KCNQ3: variants seen among roughly 807,000 people sequenced by gnomAD.
KCNQ3 encodes potassium voltage-gated channel subfamily KQT member 3.
In KCNQ3, 30 loss-of-function variants were observed where a neutral mutation model predicts 92.5. The observed-to-expected ratio is 0.32, with a 90% confidence interval of 0.24 to 0.44. KCNQ3 has a LOEUF of 0.44. Among genes scored for constraint, KCNQ3 ranks in the 20% least tolerant of loss-of-function variants. The pLI, the probability that KCNQ3 is intolerant of heterozygous loss-of-function variation, is 1.00. For missense variants in KCNQ3, 913 were observed against 1,140.3 expected (o/e 0.80, Z 2.87); for synonymous variants, 450 against 468.8 (o/e 0.96, Z 0.52).
At chr8:132,226,793 G>C (rs1054056582) in intron 1 of KCNQ3, among the ~76,000 whole-genome samples, 3 of 152,168 alleles carry the variant, frequency 2.0e-5, no homozygotes, top group Admixed American at 6.5e-5. Flanking sequence ...AACATGGCCT[G>C]GCTGGGGAGG....
At chr8:132,154,208 T>TG (rs1554624533) in intron 9 of KCNQ3, among the ~76,000 whole-genome samples, 2 of 142,242 alleles carry the variant, frequency 1.4e-5, no homozygotes, top group Non-Finnish European at 3.0e-5. Flanking sequence ...TTTTTTTTTT[T>TG]TTTTTTTTTT....
chr8:132,310,081 G>A (rs1817546955), intron 1 of KCNQ3, among the ~76,000 whole-genome samples: 1 of 152,198 alleles, frequency 6.6e-6, no homozygotes, highest in African/African-American at 2.4e-5. Flanking sequence ...CATAGGAATA[G>A]ATCTACTGGC....
At chr8:132,354,913 G>A (rs963890825) in intron 1 of KCNQ3, among the ~76,000 whole-genome samples, 3 of 152,108 alleles carry the variant, frequency 2.0e-5, no homozygotes, top group Non-Finnish European at 4.4e-5. Context: ...TGGGTTTGAG[G>A]GACATGGGTT....
At chr8:132,209,612 T>C (rs1330717292) in intron 1 of KCNQ3, among the ~76,000 whole-genome samples, 1 of 152,122 alleles carries the variant, frequency 6.6e-6, no homozygotes, top group Admixed American at 6.5e-5. Context: ...TGAATTTTTT[T>C]ACTTTATAAT....
At chr8:132,392,963 A>G (rs1458001943) in intron 1 of KCNQ3, among the ~76,000 whole-genome samples, 1 of 151,284 alleles carries the variant, frequency 6.6e-6, no homozygotes, top group African/African-American at 2.4e-5. Context: ...TCTTGCACAG[A>G]CTCTAGAATA....
At chr8:132,173,101 A>G (rs1289952148) in intron 6 of KCNQ3, among the ~76,000 whole-genome samples, 2 of 152,234 alleles carry the variant, frequency 1.3e-5, no homozygotes, top group Non-Finnish European at 2.9e-5. Context: ...CAGTAATGTT[A>G]ACTGAGTTTT....
intron 1 of KCNQ3, among the ~76,000 whole-genome samples, chr8:132,390,385 G>T: frequency 6.6e-6 from 1 of 152,182 alleles, no homozygotes; most frequent in East Asian, 1.9e-4. Context: ...GCTCCTGGTG[G>T]TGACACAGTT....
intron 1 of KCNQ3, among the ~76,000 whole-genome samples, chr8:132,405,758 G>T (rs1207405216): frequency 6.6e-6 from 1 of 152,216 alleles, no homozygotes; most frequent in Admixed American, 6.5e-5. Context: ...TCTTCATGCA[G>T]TAAACACTGC....
At chr8:132,290,409 T>C (rs927076057) in intron 1 of KCNQ3, among the ~76,000 whole-genome samples, 10 of 152,018 alleles carry the variant, frequency 6.6e-5, no homozygotes, top group South Asian at 4.1e-4. Flanking sequence ...TCACTGAACG[T>C]TGGTTTGGAG....
intron 1 of KCNQ3, among the ~76,000 whole-genome samples, chr8:132,268,838 A>G (rs946601905): frequency 1.3e-5 from 2 of 152,212 alleles, no homozygotes; most frequent in Non-Finnish European, 1.5e-5. Context: ...ACCATTTTGC[A>G]TTCCCACCAG....
At chr8:132,156,273 G>A (rs1030885071) in intron 9 of KCNQ3, among the ~76,000 whole-genome samples, 5 of 151,748 alleles carry the variant, frequency 3.3e-5, no homozygotes, top group Non-Finnish European at 1.5e-5. Context: ...GCCAGCCCAT[G>A]TGGTCAGCAT....
chr8:132,207,112 T>G (rs1813683723), intron 1 of KCNQ3, among the ~76,000 whole-genome samples: 1 of 152,216 alleles, frequency 6.6e-6, no homozygotes, highest in Non-Finnish European at 1.5e-5. Context: ...TAAATAATAC[T>G]ATGAGAAATA....
intron 1 of KCNQ3, among the ~76,000 whole-genome samples, chr8:132,216,263 G>A (rs1460378321): frequency 6.6e-6 from 1 of 152,198 alleles, no homozygotes; most frequent in East Asian, 1.9e-4. Flanking sequence ...CTCTGAAGTA[G>A]CCCAAACCTC....
At chr8:132,266,834 T>C (rs1291753746) in intron 1 of KCNQ3, among the ~76,000 whole-genome samples, 1 of 152,148 alleles carries the variant, frequency 6.6e-6, no homozygotes, top group Non-Finnish European at 1.5e-5. Flanking sequence ...TTGGAAAACT[T>C]CTGTTCTAGG....
At chr8:132,251,527 A>C (rs971868810) in intron 1 of KCNQ3, among the ~76,000 whole-genome samples, 1 of 152,184 alleles carries the variant, frequency 6.6e-6, no homozygotes, top group African/African-American at 2.4e-5. Context: ...TCTCTTCCAA[A>C]CATGATACTT....
intron 1 of KCNQ3, among the ~76,000 whole-genome samples, chr8:132,412,087 G>A (rs898872023): frequency 5.3e-5 from 8 of 152,200 alleles, no homozygotes; most frequent in Admixed American, 3.3e-4. Context: ...GACTGAGAAT[G>A]AAGCAAGCCC....
chr8:132,161,387 G>C (rs1360568374), intron 9 of KCNQ3, among the ~76,000 whole-genome samples: 2 of 152,208 alleles, frequency 1.3e-5, no homozygotes. Flanking sequence ...CCAGCACTAT[G>C]GGAGACCAAG....
Position 132,480,736 on chromosome 8 carries a change from G to C in KCNQ3, c.-204C>G, listed in dbSNP as rs1213279682. 2.9e-6 allele frequency: 1 copy of C among 348,648 alleles called. No individual in the cohort carries two copies. Among genetic ancestry groups the C allele is most frequent in the Non-Finnish European group, 4.1e-6 (1 of 245,236 alleles). 21.6% of individuals were successfully genotyped at this position (348,648 alleles called of 1,614,324 possible). A position where few individuals can be genotyped will look rare whatever the true frequency, so the allele number is the denominator to read the frequency against. ...CAGGGGAGGCCAGGCAGGGGGTCAG[G>C]GGGTCACATCCCGCGCGGGTCAGCC... On this transcript the variant is annotated 5_prime_UTR_variant, in exon 1 of 15. Coordinates refer to ENST00000388996, the MANE Select transcript of KCNQ3 (RefSeq NM_004519.4).
chr8:132,214,150 T>C (rs11997060), intron 1 of KCNQ3, among the ~76,000 whole-genome samples: 19,325 of 152,182 alleles, frequency 0.13, 2,334 homozygotes, highest in African/African-American at 0.32. Context: ...CTCGGTGCTG[T>C]AGGACAAGAA....
Sources: allele counts gnomAD v4.1 joint callset (sites outside exome capture counted in the v4.1 genomes callset), GRCh38; gene constraint gnomAD v4.1.1; transcripts MANE v1.5; gene names NCBI Gene and HGNC (gene_info 2026-07-23, HGNC 2026-07-21).